The following PCDHGA8 variants were observed in gnomAD, a reference collection of about 807,000 sequenced individuals.
PCDHGA8 encodes protocadherin gamma subfamily A, 8, also known as protocadherin gamma-A8.
A neutral mutation model predicts 59.2 loss-of-function variants in PCDHGA8; 45 were observed. That is an observed-to-expected ratio of 0.76 (90% CI 0.60 to 0.98). PCDHGA8 has a LOEUF of 0.98. Ranked by LOEUF, PCDHGA8 falls within the 50% of genes least tolerant of loss-of-function variation. The pLI is 0.00. For synonymous variants in PCDHGA8, 531 were observed against 519.0 expected (o/e 1.02, Z -0.32); for missense variants, 1,257 against 1,196.2 (o/e 1.05, Z -0.75).
intron 1 of PCDHGA8, chr5:141,410,195 G>A (rs769655902): frequency 1.1e-5 from 18 of 1,613,966 alleles, no homozygotes; most frequent in Non-Finnish European, 1.0e-5. Context: ...TCTGGTCTTC[G>A]CAGACAACTT....
chr5:141,491,483 A>ACCTGCAGGTGAGCTCGG lies in PCDHGA8; in HGVS notation c.2425-3323_2425-3307dup. The ACCTGCAGGTGAGCTCGG allele has an allele frequency of 3.1e-6, 5 of 1,614,018 alleles. No individual in the cohort carries two copies. The highest frequency in any genetic ancestry group is 4.2e-6 in the Non-Finnish European group (5 of 1,180,012). ...GACTTCTATAAGCAGTCCAGCCCCAACCTGCAGGTGAGCTCGGACGGCACG... is the reference window on the plus strand; with the variant it reads ...GACTTCTATAAGCAGTCCAGCCCCAACCTGCAGGTGAGCTCGGCCTGCAGGTGAGCTCGGACGGCACG... On this transcript the variant is annotated intron_variant, in intron 1 of 3. Coordinates refer to ENST00000398604, the MANE Select transcript of PCDHGA8 (RefSeq NM_032088.2). The surrounding 1 kb of genome is among the most constrained non-coding windows in gnomAD (Gnocchi z 6.9).
intron 1 of PCDHGA8, chr5:141,441,954 CA>C (rs1240871171): frequency 3.1e-6 from 1 of 319,488 alleles, no homozygotes; most frequent in Non-Finnish European, 6.0e-6. Flanking sequence ...TGCAGGCCAG[CA>C]AGCCCAGGCT....
chr5:141,491,254 G>A lies in PCDHGA8; in HGVS notation c.2425-3553G>A, dbSNP rs746242389. ...GCTGGTTCTGGAGGATGAGGACCCT[G>A]AGGAAATGCCCAAATCCAGTGACTT... is the stretch of plus-strand genomic sequence containing the variant. On this transcript the variant is annotated intron_variant, in intron 1 of 3. Coordinates refer to ENST00000398604, the MANE Select transcript of PCDHGA8 (RefSeq NM_032088.2). This position sits in a 1 kb window ranked among gnomAD's most constrained non-coding sequence, Gnocchi z 6.9. 24 of 1,614,198 alleles carry A rather than the reference G, an allele frequency of 1.5e-5. No individual in the cohort carries two copies. The highest frequency in any genetic ancestry group is 2.0e-5 in the Non-Finnish European group (24 of 1,180,018).
At chr5:141,502,768 T>C (rs1389860952) in intron 2 of PCDHGA8, among the ~76,000 whole-genome samples, 1 of 152,154 alleles carries the variant, frequency 6.6e-6, no homozygotes, top group East Asian at 1.9e-4. Context: ...GCTGGTATTC[T>C]TCTGAAAATT....
intron 1 of PCDHGA8, chr5:141,404,260 T>G: frequency 6.2e-7 from 1 of 1,613,910 alleles, no homozygotes; most frequent in Non-Finnish European, 8.5e-7. Context: ...CCACAGAAAT[T>G]CACATCACCC....
chr5:141,449,425 G>T (rs1206395356), intron 1 of PCDHGA8, among the ~76,000 whole-genome samples: 2 of 151,688 alleles, frequency 1.3e-5, no homozygotes, highest in Non-Finnish European at 2.9e-5. Context: ...TGGCCAACAT[G>T]ATAAAACTCC....
At chr5:141,488,020 T>C (rs985558790) in intron 1 of PCDHGA8, among the ~76,000 whole-genome samples, 3 of 152,174 alleles carry the variant, frequency 2.0e-5, no homozygotes, top group African/African-American at 7.2e-5. Context: ...GTACCTTAAC[T>C]CTAGGTTACC....
At chr5:141,416,093 C>T (rs1241017265) in intron 1 of PCDHGA8, 1 of 162,720 alleles carries the variant, frequency 6.1e-6, no homozygotes, top group Admixed American at 6.4e-5. Flanking sequence ...AGGAGAAGGG[C>T]AATAGGCCTT....
At chr5:141,447,284 C>A (rs979564320) in intron 1 of PCDHGA8, among the ~76,000 whole-genome samples, 1 of 152,124 alleles carries the variant, frequency 6.6e-6, no homozygotes, top group African/African-American at 2.4e-5. Context: ...GGACTACAGG[C>A]ACATGCCACC....
intron 1 of PCDHGA8, chr5:141,408,748 T>A (rs757813921): frequency 2.5e-6 from 4 of 1,608,714 alleles, no homozygotes; most frequent in Non-Finnish European, 3.4e-6. Flanking sequence ...CATTAATGGT[T>A]AGAGTTAATT....
intron 1 of PCDHGA8, among the ~76,000 whole-genome samples, chr5:141,484,009 T>A (rs1157069536): frequency 7.1e-5 from 1 of 14,094 alleles, no homozygotes; most frequent in African/African-American, 2.8e-4. Flanking sequence ...TGGATGAGGG[T>A]GGGGGTGGGG....
At chr5:141,495,104 G>C (rs552664771) in intron 2 of PCDHGA8, among the ~76,000 whole-genome samples, 16 of 152,194 alleles carry the variant, frequency 1.1e-4, no homozygotes, top group Admixed American at 8.5e-4. Flanking sequence ...CGCCACGACC[G>C]GCACCTTTTC....
intron 1 of PCDHGA8, chr5:141,408,623 G>T: frequency 6.2e-7 from 1 of 1,614,004 alleles, no homozygotes; most frequent in Non-Finnish European, 8.5e-7. Context: ...AATACATTTA[G>T]AAATTTTCGA....
At chr5:141,417,050 C>T (rs1420453271) in intron 1 of PCDHGA8, 3 of 151,552 alleles carry the variant, frequency 2.0e-5, no homozygotes, top group Non-Finnish European at 4.4e-5. Flanking sequence ...AAAAAAACTG[C>T]TCTTGACATT....
At chr5:141,458,519 T>C (rs974750749) in intron 1 of PCDHGA8, among the ~76,000 whole-genome samples, 1 of 152,110 alleles carries the variant, frequency 6.6e-6, no homozygotes, top group Non-Finnish European at 1.5e-5. Context: ...CTTTGTTTTT[T>C]TTTTTAACTT....
At chr5:141,461,861 T>C (rs1445632008) in intron 1 of PCDHGA8, among the ~76,000 whole-genome samples, 8 of 152,182 alleles carry the variant, frequency 5.3e-5, no homozygotes, top group Middle Eastern at 3.4e-3. Flanking sequence ...TTTGCTCTTG[T>C]TGCCCAGGCT....
chr5:141,492,042 A>T, intron 1 of PCDHGA8: 1 of 519,520 alleles, frequency 1.9e-6, no homozygotes, highest in Non-Finnish European at 3.4e-6. Context: ...GCAGTCACAG[A>T]TCCACCCCTG....
Position 141,491,713 on chromosome 5 carries a change from G to A in PCDHGA8, c.2425-3094G>A. On this transcript the variant is annotated intron_variant, in intron 1 of 3. Transcript: ENST00000398604. This position sits in a 1 kb window ranked among gnomAD's most constrained non-coding sequence, Gnocchi z 6.9. ...GGAGCGGAGCCAGGTGAGGGGCTCG[G>A]CGCCGCCCCGGGCGACCCCTGGGGG... The A allele has an allele frequency of 1.9e-6, 3 of 1,609,174 alleles. No individual in the cohort carries two copies. Among genetic ancestry groups the A allele is most frequent in the Non-Finnish European group, 2.5e-6 (3 of 1,178,054 alleles).
intron 1 of PCDHGA8, chr5:141,428,075 A>G (rs1427780901): frequency 5.0e-6 from 8 of 1,609,154 alleles, no homozygotes; most frequent in Non-Finnish European, 4.2e-6. Context: ...CAGATTCGGG[A>G]CACAACGCTT....
Sources: allele counts gnomAD v4.1 joint callset (sites outside exome capture counted in the v4.1 genomes callset), GRCh38; gene constraint gnomAD v4.1.1; non-coding constraint Gnocchi (gnomAD v3.1); transcripts MANE v1.5; gene names NCBI Gene and HGNC (gene_info 2026-07-23, HGNC 2026-07-21).